Variants in BICC1 observed in about 807,000 individuals in gnomAD.
BICC1 encodes the protein BicC family RNA binding protein 1.
A neutral mutation model predicts 111.0 loss-of-function variants in BICC1; 43 were observed. The ratio of observed to expected loss-of-function variants is 0.39; its 90% CI spans 0.30 to 0.50. The LOEUF (loss-of-function observed/expected upper bound fraction) is 0.50, where lower values mean the gene tolerates loss of function less well. Among genes scored for constraint, BICC1 ranks in the 20% least tolerant of loss-of-function variants. The pLI, the probability that BICC1 is intolerant of heterozygous loss-of-function variation, is 0.88. For synonymous variants in BICC1, 467 were observed against 434.4 expected, an observed-to-expected ratio of 1.07 and a Z score of -0.93; for missense variants, 1,091 against 1,203.2, an observed-to-expected ratio of 0.91 and a Z score of 1.38.
intron 2 of BICC1, among the ~76,000 whole-genome samples, chr10:58,630,551 C>A (rs1036647605): frequency 6.6e-6 from 1 of 152,138 alleles, no homozygotes; most frequent in African/African-American, 2.4e-5. Context: ...ACCTTAGCCT[C>A]CTGAGTAGCT....
chr10:58,606,626 C>T (rs1309009253), intron 1 of BICC1, among the ~76,000 whole-genome samples: 1 of 151,960 alleles, frequency 6.6e-6, no homozygotes, highest in Non-Finnish European at 1.5e-5. Flanking sequence ...TGTCATATAC[C>T]ATCTCATGGC....
At position 58,650,111 on chromosome 10, in the gene BICC1, C is replaced by T. The variant is rs1179442879; in HGVS notation, c.237+29210C>T. 5 of 152,176 alleles carry T rather than the reference C, an allele frequency of 3.3e-5. No individual in the cohort carries two copies. In the East Asian group the frequency reaches 7.7e-4, roughly 23 times the overall value. The allele number at this position is 152,176 out of a possible 1,614,324, so 9.4% of individuals were successfully genotyped here. ...TCTCTTACATTAACGATGCTAGTCACTATCTACTGAAGAGATGATCTGCAG... is the reference window on the plus strand; with the variant it reads ...TCTCTTACATTAACGATGCTAGTCATTATCTACTGAAGAGATGATCTGCAG... On this transcript the variant is annotated intron_variant, in intron 2 of 20. Transcript: ENST00000373886.
At chr10:58,773,830 T>A (rs1467896258) in intron 3 of BICC1, among the ~76,000 whole-genome samples, 1 of 152,242 alleles carries the variant, frequency 6.6e-6, no homozygotes, top group Non-Finnish European at 1.5e-5. Context: ...AGGTTTTTAT[T>A]GCTTAACGTT....
At chr10:58,800,864 C>T in intron 13 of BICC1, 26 bp from the exon 14 acceptor site, 1 of 1,566,586 alleles carries the variant, frequency 6.4e-7, no homozygotes, top group Non-Finnish European at 8.6e-7. Context: ...TTAGGTGTTT[C>T]ACTTTTTTTT....
intron 1 of BICC1, among the ~76,000 whole-genome samples, chr10:58,597,881 T>A (rs185138515): frequency 3.0e-4 from 46 of 152,194 alleles, no homozygotes; most frequent in African/African-American, 1.1e-3. Context: ...ACAATCGCTG[T>A]TATTCTGTTC....
chr10:58,787,122 C>T (rs745789537), intron 5 of BICC1, 41 bp downstream of exon 5: 1 of 1,485,438 alleles, frequency 6.7e-7, no homozygotes, highest in South Asian at 1.4e-5. Context: ...GGATGAATTA[C>T]AGCCTTAATT....
intron 2 of BICC1, among the ~76,000 whole-genome samples, chr10:58,675,077 A>G (rs1839297603): frequency 6.6e-6 from 1 of 152,142 alleles, no homozygotes; most frequent in African/African-American, 2.4e-5. Flanking sequence ...ATTGTCTTGG[A>G]TTATGGACAT....
intron 2 of BICC1, among the ~76,000 whole-genome samples, chr10:58,677,575 G>A (rs1167971327): frequency 6.6e-6 from 1 of 152,178 alleles, no homozygotes; most frequent in Non-Finnish European, 1.5e-5. Flanking sequence ...CGTTTGATTG[G>A]TGTACCTGAA....
chr10:58,671,869 T>C (rs971149983), intron 2 of BICC1, among the ~76,000 whole-genome samples: 3 of 152,128 alleles, frequency 2.0e-5, no homozygotes, highest in Non-Finnish European at 4.4e-5. Flanking sequence ...AAAGTTCTCA[T>C]CTTATTTGGT....
At chr10:58,542,360 AT>A (rs1843014601) in intron 1 of BICC1, among the ~76,000 whole-genome samples, 1 of 152,100 alleles carries the variant, frequency 6.6e-6, no homozygotes, top group South Asian at 2.1e-4. Flanking sequence ...CTTATACCAG[AT>A]TAAAAAAAAT....
intron 2 of BICC1, among the ~76,000 whole-genome samples, chr10:58,692,144 G>A (rs1474828632): frequency 6.6e-6 from 1 of 152,066 alleles, no homozygotes; most frequent in African/African-American, 2.4e-5. Context: ...GCACTATAAT[G>A]TTGCCACAAT....
intron 2 of BICC1, among the ~76,000 whole-genome samples, chr10:58,633,015 T>A (rs1837845597): frequency 6.6e-6 from 1 of 152,208 alleles, no homozygotes; most frequent in Non-Finnish European, 1.5e-5. Context: ...TTTGGCTGTG[T>A]TCCCACCCAA....
chr10:58,547,171 C>G (rs1422299664), intron 1 of BICC1, among the ~76,000 whole-genome samples: 1 of 152,126 alleles, frequency 6.6e-6, no homozygotes, highest in Non-Finnish European at 1.5e-5. Context: ...ATACTTTATT[C>G]AGATTTCCTT....
Position 58,721,024 on chromosome 10 carries a change from C to T in BICC1, c.307+18881C>T, listed in dbSNP as rs544519728. Among the ~76,000 whole-genome samples, 200 of 152,278 alleles carry T rather than the reference C, an allele frequency of 1.3e-3. 1 individual carries two copies. Among genetic ancestry groups the T allele is most frequent in the Middle Eastern group, 6.8e-3 (2 of 294 alleles). On this transcript the variant is annotated intron_variant, in intron 3 of 20. Coordinates refer to ENST00000373886, the MANE Select transcript of BICC1 (RefSeq NM_001080512.3). ...AAGGGCCTGATCTGTGCTTCTCTACCGGAGCACATTGTCAGCCCTGTGGAA... is the reference window on the plus strand; with the variant it reads ...AAGGGCCTGATCTGTGCTTCTCTACTGGAGCACATTGTCAGCCCTGTGGAA...
intron 3 of BICC1, among the ~76,000 whole-genome samples, chr10:58,772,522 T>A (rs1842646691): frequency 6.6e-6 from 1 of 152,212 alleles, no homozygotes; most frequent in Admixed American, 6.5e-5. Flanking sequence ...AATACCAGCT[T>A]GTAGTAATGC....
Position 58,669,450 on chromosome 10 carries a change from A to G in BICC1, c.238-32624A>G, listed in dbSNP as rs189310254. Among the ~76,000 whole-genome samples the G allele has an allele frequency of 6.5e-3, 985 of 152,212 alleles. 14 individuals carry two copies. The highest frequency in any genetic ancestry group is 0.023 in the African/African-American group (950 of 41,558). On this transcript the variant is annotated intron_variant, in intron 2 of 20. Transcript: ENST00000373886. ...TAATTAAAAGGACAATTTGACCCTT[A>G]TATTTTGAAGATGAATTTTTAGTAA... is the stretch of plus-strand genomic sequence containing the variant.
intron 3 of BICC1, among the ~76,000 whole-genome samples, chr10:58,784,689 T>TA (rs58144884): frequency 6.6e-6 from 1 of 151,742 alleles, no homozygotes; most frequent in Non-Finnish European, 1.5e-5. Flanking sequence ...ATCCAATTTA[T>TA]AAAAAAAAAT....
chr10:58,681,261 T>C (rs1413046851), intron 2 of BICC1, among the ~76,000 whole-genome samples: 1 of 152,178 alleles, frequency 6.6e-6, no homozygotes, highest in Non-Finnish European at 1.5e-5. Flanking sequence ...ATTTTTGCAA[T>C]CTATCCATCT....
intron 1 of BICC1, among the ~76,000 whole-genome samples, chr10:58,530,374 A>T (rs1842648530): frequency 6.6e-6 from 1 of 151,900 alleles, no homozygotes; most frequent in African/African-American, 2.4e-5. Flanking sequence ...TAAGGAATTA[A>T]AAAGAGAGGC....
Sources: allele counts gnomAD v4.1 joint callset (sites outside exome capture counted in the v4.1 genomes callset), GRCh38; gene constraint gnomAD v4.1.1; transcripts MANE v1.5; gene names NCBI Gene and HGNC (gene_info 2026-07-23, HGNC 2026-07-21).